Variants in FNDC3B observed in about 807,000 individuals in gnomAD.
FNDC3B encodes the protein fibronectin type III domain containing 3B.
FNDC3B carries 12 observed loss-of-function variants against 151.5 expected under a neutral mutation model. That is an observed-to-expected ratio of 0.08 (90% CI 0.05 to 0.13). FNDC3B has a LOEUF of 0.13. Among genes scored for constraint, FNDC3B ranks in the 10% least tolerant of loss-of-function variants. FNDC3B has a pLI of 1.00. For synonymous variants in FNDC3B, 528 were observed against 549.0 expected (o/e 0.96, Z 0.54); for missense variants, 1,214 against 1,505.3 (o/e 0.81, Z 3.20).
chr3:172,059,579 T>C (rs979785966), intron 1 of FNDC3B, among the ~76,000 whole-genome samples: 7 of 152,224 alleles, frequency 4.6e-5, no homozygotes, highest in East Asian at 1.9e-4. Context: ...GCCTCTGTTA[T>C]AGATTGTCTG....
rs544398271 is a variant in FNDC3B, at chr3:172,357,024, A to G, written c.2795+3941A>G. On this transcript the variant is annotated intron_variant, in intron 22 of 25. Transcript: ENST00000415807. ...TATATTTTGTAGTAGAAATTTGATT[A>G]TGTATATGTATATATTTAAAGTGCG... is the stretch of plus-strand genomic sequence containing the variant. Among the ~76,000 whole-genome samples, 42 of 152,320 alleles carry G rather than the reference A, an allele frequency of 2.8e-4. No individual in the cohort carries two copies. The East Asian group carries it at 7.0e-3, about 25-fold the overall frequency.
At chr3:172,357,535 T>G (rs758636873) in intron 22 of FNDC3B, among the ~76,000 whole-genome samples, 4 of 152,222 alleles carry the variant, frequency 2.6e-5, no homozygotes, top group African/African-American at 4.8e-5. Context: ...GGTTAATGTT[T>G]GTTTTGCCCA....
At chr3:172,145,402 A>G (rs1721851104) in intron 3 of FNDC3B, among the ~76,000 whole-genome samples, 1 of 152,168 alleles carries the variant, frequency 6.6e-6, no homozygotes, top group African/African-American at 2.4e-5. Flanking sequence ...GACCAGATGA[A>G]TTGTGTTTCC....
intron 1 of FNDC3B, among the ~76,000 whole-genome samples, chr3:172,097,783 T>C (rs897552526): frequency 6.6e-6 from 1 of 152,220 alleles, no homozygotes; most frequent in African/African-American, 2.4e-5. Context: ...TAAAAGCAAC[T>C]TCCTGACACT....
intron 1 of FNDC3B, among the ~76,000 whole-genome samples, chr3:172,077,163 A>G (rs1259377654): frequency 6.6e-6 from 1 of 152,170 alleles, no homozygotes; most frequent in Non-Finnish European, 1.5e-5. Context: ...AAAAAAAATA[A>G]AAAAAAGTGT....
At position 172,040,218 on chromosome 3, in the gene FNDC3B, G is replaced by A. The variant is rs1007569669; in HGVS notation, c.-29+447G>A. The stretch of plus-strand genomic sequence containing the variant: ...GGGGGAGGGCGGGCGGCGAGGCCGA[G>A]GAATCTTCGACGTGTCACTTTCTGA... On this transcript the variant is annotated intron_variant, in intron 1 of 25. Transcript: ENST00000415807. The surrounding 1 kb of genome is among the most constrained non-coding windows in gnomAD (Gnocchi z 6.6). Among the ~76,000 whole-genome samples the A allele has an allele frequency of 1.3e-5, 2 of 152,004 alleles. No individual in the cohort carries two copies. Among genetic ancestry groups the A allele is most frequent in the Non-Finnish European group, 2.9e-5 (2 of 67,946 alleles).
At chr3:172,212,245 T>C (rs943485476) in intron 3 of FNDC3B, among the ~76,000 whole-genome samples, 1 of 152,244 alleles carries the variant, frequency 6.6e-6, no homozygotes, top group Non-Finnish European at 1.5e-5. Context: ...GGAACTCTGT[T>C]AATGACTCTT....
intron 3 of FNDC3B, among the ~76,000 whole-genome samples, chr3:172,201,640 A>G (rs1218864279): frequency 6.6e-6 from 1 of 152,212 alleles, no homozygotes; most frequent in East Asian, 1.9e-4. Flanking sequence ...CATTCTTTGC[A>G]CGAAATGCTG....
intron 1 of FNDC3B, among the ~76,000 whole-genome samples, chr3:172,086,171 G>C (rs1718537419): frequency 6.6e-6 from 1 of 152,016 alleles, no homozygotes; most frequent in South Asian, 2.1e-4. Context: ...GACTGGCCTG[G>C]GCAACATAAA....
In FNDC3B at chr3:172,352,099, CAGCGTTA is replaced by C. The variant is rs1361698968; in HGVS notation, c.2515-701_2515-695del. Among the ~76,000 whole-genome samples, 1 of 152,080 alleles carries C rather than the reference CAGCGTTA, an allele frequency of 6.6e-6. No individual in the cohort carries two copies. Among genetic ancestry groups the C allele is most frequent in the Non-Finnish European group, 1.5e-5 (1 of 68,018 alleles). Reference sequence around the variant, plus strand: ...CGAAGTACTGAGGGCTGATACTCACCAGCGTTAAGAGTTCAGGGGATGGTGGCAACCA... The same window carrying C: ...CGAAGTACTGAGGGCTGATACTCACCAGAGTTCAGGGGATGGTGGCAACCA... On this transcript the variant is annotated intron_variant, in intron 21 of 25. Transcript: ENST00000415807. This position sits in a 1 kb window ranked among gnomAD's most constrained non-coding sequence, Gnocchi z 4.2.
intron 1 of FNDC3B, among the ~76,000 whole-genome samples, chr3:172,093,829 A>G (rs983838837): frequency 6.6e-5 from 10 of 152,224 alleles, no homozygotes; most frequent in Non-Finnish European, 1.5e-4. Context: ...CAAAGGGAGG[A>G]TATCTAGGCC....
At position 172,181,820 on chromosome 3, in the gene FNDC3B, T is replaced by TC. The variant is rs1281796960; in HGVS notation, c.188-45049dup. Among the ~76,000 whole-genome samples, 6 of 91,458 alleles carry TC rather than the reference T, an allele frequency of 6.6e-5. No homozygotes were observed. In the South Asian group the frequency reaches 2.7e-3, roughly 41 times the overall value. The allele number at this position is 91,458 out of a possible 152,430, so 60.0% of individuals were successfully genotyped here. ...CTCCAGCCTGGTGACAGAGCAAGAC[T>TC]CCATCTCAAAAAAAAAAAAAAAAAA... On this transcript the variant is annotated intron_variant, in intron 3 of 25. Transcript: ENST00000415807.
intron 23 of FNDC3B, among the ~76,000 whole-genome samples, chr3:172,369,899 C>G (rs1398580544): frequency 2.0e-5 from 3 of 151,718 alleles, no homozygotes; most frequent in African/African-American, 7.3e-5. Context: ...ACGAAATTCT[C>G]TCTCTCTTTC....
chr3:172,253,374 G>A (rs1338872777), intron 6 of FNDC3B, among the ~76,000 whole-genome samples: 3 of 152,248 alleles, frequency 2.0e-5, no homozygotes, highest in South Asian at 2.1e-4. Context: ...TAGTGTAGAC[G>A]AAGAATAAAA....
intron 1 of FNDC3B, among the ~76,000 whole-genome samples, chr3:172,095,076 C>T (rs1228221487): frequency 6.6e-6 from 1 of 151,982 alleles, no homozygotes; most frequent in Non-Finnish European, 1.5e-5. Context: ...AAATACTCGG[C>T]AATTTTTGTT....
At chr3:172,373,730 C>A in intron 23 of FNDC3B, among the ~76,000 whole-genome samples, 1 of 152,162 alleles carries the variant, frequency 6.6e-6, no homozygotes, top group Non-Finnish European at 1.5e-5. Flanking sequence ...GGGTGTTAAC[C>A]TACAGAGCTT....
intron 6 of FNDC3B, among the ~76,000 whole-genome samples, chr3:172,256,364 T>TG (rs1436551896): frequency 1.3e-5 from 2 of 152,230 alleles, no homozygotes; most frequent in Non-Finnish European, 2.9e-5. Flanking sequence ...TTTGCCTTCC[T>TG]TTTCTCTTCC....
intron 10 of FNDC3B, among the ~76,000 whole-genome samples, chr3:172,308,615 C>T (rs1011135865): frequency 6.6e-6 from 1 of 152,178 alleles, no homozygotes; most frequent in Non-Finnish European, 1.5e-5. Flanking sequence ...GTTGATCCCT[C>T]TTAGGTGGGC....
At chr3:172,042,558 A>G (rs1355714282) in intron 1 of FNDC3B, among the ~76,000 whole-genome samples, 1 of 152,222 alleles carries the variant, frequency 6.6e-6, no homozygotes, top group Non-Finnish European at 1.5e-5. Context: ...GATGTGTACT[A>G]AGCACTAATT....
Sources: gnomAD v4.1 joint callset for allele counts (sites outside exome capture counted in the v4.1 genomes callset) on GRCh38, gnomAD v4.1.1 for gene constraint, Gnocchi (gnomAD v3.1) non-coding constraint, MANE v1.5 for transcripts, NCBI Gene and HGNC (gene_info 2026-07-23, HGNC 2026-07-21) for gene names.